SMIM29: variants seen among roughly 807,000 people sequenced by gnomAD.
SMIM29 encodes uncharacterized protein C6orf1.
In SMIM29, 4 loss-of-function variants were observed where a neutral mutation model predicts 12.9. The ratio of observed to expected loss-of-function variants is 0.31; its 90% CI spans 0.15 to 0.71. SMIM29 has a LOEUF of 0.71. Ranked by LOEUF, SMIM29 falls within the 30% of genes least tolerant of loss-of-function variation. The pLI is 0.70. For synonymous variants in SMIM29, 50 were observed against 52.0 expected (o/e 0.96, Z 0.17); for missense variants, 122 against 138.1 (o/e 0.88, Z 0.58).
At chr6:34,248,819 C>T (rs535902557) in intron 1 of SMIM29, 160 bp downstream of exon 1, 5 of 985,778 alleles carry the variant, frequency 5.1e-6, no homozygotes, top group Non-Finnish European at 6.0e-6. Flanking sequence ...CAACAGCGGA[C>T]AGGAGGTGGT....
Position 34,247,729 on chromosome 6 carries a change from CACAT to C in SMIM29, c.59_62del (p.Tyr20CysfsTer18). On this transcript the variant is annotated frameshift_variant, in exon 2 of 5. Coordinates refer to ENST00000476320, the MANE Select transcript of SMIM29 (RefSeq NM_001008703.4). LOFTEE classifies it high-confidence loss of function. ...GGGTGATGAGGAAGAAGGGCCCCAA[CACAT>C]AGCCCACCATGGAGTCGCTGTTGGC... is the stretch of plus-strand genomic sequence containing the variant. 1 of 1,381,844 alleles carries C rather than the reference CACAT, an allele frequency of 7.2e-7. No individual in the cohort carries two copies. Among genetic ancestry groups the C allele is most frequent in the Non-Finnish European group, 9.3e-7 (1 of 1,074,570 alleles). 85.6% of individuals were successfully genotyped at this position (1,381,844 alleles called of 1,614,324 possible). A position where few individuals can be genotyped will look rare whatever the true frequency, so the allele number is the denominator to read the frequency against.
At position 34,247,137 on chromosome 6, in the gene SMIM29, C is replaced by T; in HGVS notation, c.150G>A (p.Leu50=). Reference sequence around the variant, plus strand: ...TGTACATGGGGAGCAGGTGATGGCGCAGCCGGTCCACCCTGGGGAGCAGGG... The same window carrying T: ...TGTACATGGGGAGCAGGTGATGGCGTAGCCGGTCCACCCTGGGGAGCAGGG... ...YVQKKKRVDR[L]RHHLLPMYSY... is the part of the protein sequence containing the mutation. Residue 50 remains leucine (L), a synonymous_variant, in exon 4 of 5, where the codon CTG becomes CTA. Coordinates refer to ENST00000476320, the MANE Select transcript of SMIM29 (RefSeq NM_001008703.4). The T allele has an allele frequency of 6.2e-7, 1 of 1,614,068 alleles. No individual in the cohort carries two copies. Among genetic ancestry groups the T allele is most frequent in the Non-Finnish European group, 8.5e-7 (1 of 1,180,008 alleles).
In SMIM29 at chr6:34,248,141, A is replaced by G. The variant is rs557335674; in HGVS notation, c.-73-277T>C. Reference sequence around the variant, plus strand: ...CAGCTCAGATGCTGGCCAAACATTTACAAGTCTCAGCTTCTGGGGAAAGAT... The same window carrying G: ...CAGCTCAGATGCTGGCCAAACATTTGCAAGTCTCAGCTTCTGGGGAAAGAT... On this transcript the variant is annotated intron_variant, in intron 1 of 4. Coordinates refer to ENST00000476320, the MANE Select transcript of SMIM29 (RefSeq NM_001008703.4). 338 of 985,270 alleles carry G rather than the reference A, an allele frequency of 3.4e-4. 5 individuals carry two copies. The South Asian group carries it at 0.013, about 38-fold the overall frequency. 61.0% of individuals were successfully genotyped at this position (985,270 alleles called of 1,614,324 possible).
At position 34,247,464 on chromosome 6, in the gene SMIM29, C is replaced by T. The variant is rs758471300; in HGVS notation, c.137+3G>A. 2 of 1,578,750 alleles carry T rather than the reference C, an allele frequency of 1.3e-6. No individual in the cohort carries two copies. Among genetic ancestry groups the T allele is most frequent in the Admixed American group, 1.8e-5 (1 of 54,710 alleles). ...AGGGCGGGTGGGGGACAGGGACACT[C>T]ACCGCTTTTTCTTCTGTACATACAT... On this transcript the variant is annotated splice_donor_region_variant and intron_variant, in intron 3 of 4. Transcript: ENST00000476320.
chr6:34,247,970 C>G, intron 1 of SMIM29, 106 bp from the exon 2 acceptor site: 1 of 1,232,114 alleles, frequency 8.1e-7, no homozygotes, highest in Admixed American at 4.2e-5. Flanking sequence ...AGGTCAAATC[C>G]TGGGAGGAGG....
intron 3 of SMIM29, 73 bp from the exon 4 acceptor site, chr6:34,247,222 C>CT: frequency 6.9e-7 from 1 of 1,438,896 alleles, no homozygotes; most frequent in Non-Finnish European, 9.3e-7. Context: ...GCCTCGTCTC[C>CT]TCCCTTTCCC....
In SMIM29 at chr6:34,247,100, C is replaced by G; in HGVS notation, c.187G>C (p.Ala63Pro). 6.2e-7 allele frequency: 1 copy of G among 1,614,154 alleles called. No individual in the cohort carries two copies. The highest frequency in any genetic ancestry group is 1.3e-5 in the African/African-American group (1 of 75,042). Residue 63 changes from alanine (A) to proline (P), a missense_variant, in exon 4 of 5, where the codon GCT (alanine) becomes CCT (proline). Coordinates refer to ENST00000476320, the MANE Select transcript of SMIM29 (RefSeq NM_001008703.4). ...TGCTCAGCCTCATGCAGTTCCTCAG[C>G]TGGGTCATAGCTGTACATGGGGAGC... ...HLLPMYSYDP[A>P]EELHEAEQEL...
chr6:34,248,962 G>A lies in SMIM29; in HGVS notation c.-74+17C>T. ...GTGCCGGCGCTCTGCAGCCCAGCCG[G>A]CCTGGCCATGCCTTACCTCCCGCCG... On this transcript the variant is annotated intron_variant, in intron 1 of 4. Transcript: ENST00000476320. 1.0e-6 allele frequency: 1 copy of A among 985,524 alleles called. No homozygotes were observed. The highest frequency in any genetic ancestry group is 1.2e-6 in the Non-Finnish European group (1 of 829,980). 61.0% of individuals were successfully genotyped at this position (985,524 alleles called of 1,614,324 possible).
chr6:34,246,941 A>G, intron 4 of SMIM29, 73 bp from the exon 5 acceptor site: 1 of 1,602,768 alleles, frequency 6.2e-7, no homozygotes, highest in Non-Finnish European at 8.5e-7. Context: ...GTTACAGCCC[A>G]AGTAAGCAGA....
intron 2 of SMIM29, 28 bp from the exon 3 acceptor site, chr6:34,247,520 G>A (rs1235815367): frequency 1.3e-6 from 2 of 1,563,552 alleles, no homozygotes; most frequent in Non-Finnish European, 8.7e-7. Flanking sequence ...CACTGTGGGG[G>A]CTGCTGAGCC....
Position 34,246,696 on chromosome 6 carries a change from GACCCAGC to G in SMIM29, c.*100_*106del, listed in dbSNP as rs749720657. On this transcript the variant is annotated 3_prime_UTR_variant, in exon 5 of 5. Coordinates refer to ENST00000476320, the MANE Select transcript of SMIM29 (RefSeq NM_001008703.4). Reference sequence around the variant, plus strand: ...GAGGGTGGGTGGAGGGAGAAATGGAGACCCAGCACCCAGCAGGGGGAGCCAGGTGACA... The same window carrying G: ...GAGGGTGGGTGGAGGGAGAAATGGAGACCCAGCAGGGGGAGCCAGGTGACA... 2.8e-5 allele frequency: 45 copies of G among 1,613,786 alleles called. No individual in the cohort carries two copies. The highest frequency in any genetic ancestry group is 3.6e-5 in the Non-Finnish European group (43 of 1,179,982).
At position 34,246,454 on chromosome 6, in the gene SMIM29, A is replaced by G. The variant is rs1762757347; in HGVS notation, c.*349T>C. Reference sequence around the variant, plus strand: ...TGAATACTATACATCTGGCCCCATCACCATGGAAACAACTCCAAAGCCTGC... The same window carrying G: ...TGAATACTATACATCTGGCCCCATCGCCATGGAAACAACTCCAAAGCCTGC... On this transcript the variant is annotated 3_prime_UTR_variant, in exon 5 of 5. Coordinates refer to ENST00000476320, the MANE Select transcript of SMIM29 (RefSeq NM_001008703.4). 1.3e-6 allele frequency: 2 copies of G among 1,504,746 alleles called. No homozygotes were observed. The highest frequency in any genetic ancestry group is 2.3e-5 in the Admixed American group (1 of 43,874). The allele number at this position is 1,504,746 out of a possible 1,614,324, so 93.2% of individuals were successfully genotyped here. A position where few individuals can be genotyped will look rare whatever the true frequency, so the allele number is the denominator to read the frequency against.
At chr6:34,247,408 T>TG in intron 3 of SMIM29, 59 bp downstream of exon 3, 1 of 1,533,984 alleles carries the variant, frequency 6.5e-7, no homozygotes. Context: ...TCAGAGCCTA[T>TG]GAGCAGGAAT....
At position 34,248,072 on chromosome 6, in the gene SMIM29, G is replaced by A. The variant is rs139356157; in HGVS notation, c.-73-208C>T. 5.3e-5 allele frequency: 52 copies of A among 985,444 alleles called. No homozygotes were observed. In the East Asian group the frequency reaches 4.7e-3, roughly 88 times the overall value. The allele number at this position is 985,444 out of a possible 1,614,324, so 61.0% of individuals were successfully genotyped here. On this transcript the variant is annotated intron_variant, in intron 1 of 4. Coordinates refer to ENST00000476320, the MANE Select transcript of SMIM29 (RefSeq NM_001008703.4). ...GGATCAAGGGAAGGCCTGGATCCAG[G>A]GCTGAGTCTTGCCCAACTCCTATCC...
intron 1 of SMIM29, chr6:34,248,303 G>C: frequency 1.0e-6 from 1 of 985,460 alleles, no homozygotes; most frequent in Non-Finnish European, 1.2e-6. Context: ...GGGAGCATCT[G>C]AAGGAGCCCG....
rs1017570412 is a variant in SMIM29, at chr6:34,248,737, G to C, written c.-74+242C>G. 14 of 985,460 alleles carry C rather than the reference G, an allele frequency of 1.4e-5. No individual in the cohort carries two copies. In the Admixed American group the frequency reaches 7.4e-4, roughly 52 times the overall value. The allele number at this position is 985,460 out of a possible 1,614,324, so 61.0% of individuals were successfully genotyped here. ...CGAGCTTGCCCTTACCCAGTCGTAT[G>C]CTCATCGTCCCAGGTCAAGGGGGCA... is the stretch of plus-strand genomic sequence containing the variant. On this transcript the variant is annotated intron_variant, in intron 1 of 4. Transcript: ENST00000476320.
intron 1 of SMIM29, chr6:34,248,697 T>C (rs1009626915): frequency 4.1e-6 from 4 of 985,296 alleles, no homozygotes; most frequent in Non-Finnish European, 1.2e-6. Context: ...CCCGTGTCCG[T>C]AGGGCACGGG....
Position 34,246,669 on chromosome 6 carries a change from C to T in SMIM29, c.*134G>A. 1 of 1,613,866 alleles carries T rather than the reference C, an allele frequency of 6.2e-7. No homozygotes were observed. The highest frequency in any genetic ancestry group is 8.5e-7 in the Non-Finnish European group (1 of 1,179,938). On this transcript the variant is annotated 3_prime_UTR_variant, in exon 5 of 5. Transcript: ENST00000476320. The stretch of plus-strand genomic sequence containing the variant: ...GTGAGGGCATGGGAAGCAGATGCTG[C>T]TGAGGGTGGGTGGAGGGAGAAATGG...
rs916279455 is a variant in SMIM29, at chr6:34,248,960, C to A, written c.-74+19G>T. ...CCGTGCCGGCGCTCTGCAGCCCAGC[C>A]GGCCTGGCCATGCCTTACCTCCCGC... is the stretch of plus-strand genomic sequence containing the variant. On this transcript the variant is annotated intron_variant, in intron 1 of 4. Coordinates refer to ENST00000476320, the MANE Select transcript of SMIM29 (RefSeq NM_001008703.4). 3 of 985,434 alleles carry A rather than the reference C, an allele frequency of 3.0e-6. No homozygotes were observed. Among genetic ancestry groups the A allele is most frequent in the African/African-American group, 1.7e-5 (1 of 57,254 alleles). The allele number at this position is 985,434 out of a possible 1,614,324, so 61.0% of individuals were successfully genotyped here. A position where few individuals can be genotyped will look rare whatever the true frequency, so the allele number is the denominator to read the frequency against.
Sources: allele counts gnomAD v4.1 joint callset, GRCh38; gene constraint gnomAD v4.1.1; transcripts MANE v1.5; gene names NCBI Gene and HGNC (gene_info 2026-07-23, HGNC 2026-07-21).